VWA8: variants seen among roughly 807,000 people sequenced by gnomAD.
VWA8 encodes von Willebrand factor A domain containing 8, also known as von Willebrand factor A domain-containing protein 8.
Under a neutral mutation model 241.5 loss-of-function variants are expected in VWA8, and 221 were observed. The ratio of observed to expected loss-of-function variants is 0.91; its 90% confidence interval spans 0.82 to 1.02. The LOEUF is 1.02. Ranked by LOEUF, VWA8 falls within the 50% of genes least tolerant of loss-of-function variation. The pLI, the probability that VWA8 is intolerant of heterozygous loss-of-function variation, is 0.00. For missense variants in VWA8, 2,322 were observed against 2,328.7 expected (o/e 1.00, Z 0.06); for synonymous variants, 852 against 827.1 (o/e 1.03, Z -0.52).
intron 43 of VWA8, among the ~76,000 whole-genome samples, chr13:41,574,185 A>AC (rs1387057965): frequency 6.6e-6 from 1 of 151,730 alleles, no homozygotes; most frequent in Non-Finnish European, 1.5e-5. Flanking sequence ...AAAAAAAAAA[A>AC]AAAAGAAAAC....
At chr13:41,680,739 C>G (rs1281642968) in intron 35 of VWA8, among the ~76,000 whole-genome samples, 1 of 152,158 alleles carries the variant, frequency 6.6e-6, no homozygotes, top group Non-Finnish European at 1.5e-5. Flanking sequence ...TAATTCTGCT[C>G]CTAAATATGT....
At position 41,865,987 on chromosome 13, in the gene VWA8, A is replaced by C. The variant is rs1454197855; in HGVS notation, c.1262T>G (p.Phe421Cys). The C allele has an allele frequency of 1.9e-6, 3 of 1,614,078 alleles. No individual in the cohort carries two copies. The Admixed American group carries it at 5.0e-5, about 27-fold the overall frequency. Residue 421 changes from phenylalanine (F) to cysteine (C), a missense_variant, in exon 11 of 45, where the codon TTC becomes TGC. Transcript: ENST00000379310. ...LLSQPCASDR[F>C]IQTLSHKQLQ... Reference sequence around the variant, plus strand: ...CTGCTTATGGCTCAAAGTCTGTATGAAACGGTCTGACGCACAAGGTTGACT... The same window carrying C: ...CTGCTTATGGCTCAAAGTCTGTATGCAACGGTCTGACGCACAAGGTTGACT...
chr13:41,947,763 C>T (rs530886139), intron 2 of VWA8, among the ~76,000 whole-genome samples: 5 of 151,642 alleles, frequency 3.3e-5, no homozygotes, highest in African/African-American at 9.7e-5. Context: ...GGTGAAACCC[C>T]ATCTCTACCA....
chr13:41,624,931 T>TGA (rs1402455430), intron 37 of VWA8, among the ~76,000 whole-genome samples: 35 of 152,340 alleles, frequency 2.3e-4, no homozygotes, highest in African/African-American at 7.7e-4. Context: ...CTGTAGTCTC[T>TGA]GCCCAAAGGC....
At chr13:41,757,008 TG>T (rs899345076) in intron 21 of VWA8, among the ~76,000 whole-genome samples, 8 of 151,740 alleles carry the variant, frequency 5.3e-5, no homozygotes, top group African/African-American at 1.7e-4. Context: ...ACTCAAAAGT[TG>T]GAATTATGAT....
At chr13:41,935,821 C>T (rs1877324034) in intron 2 of VWA8, among the ~76,000 whole-genome samples, 1 of 151,274 alleles carries the variant, frequency 6.6e-6, no homozygotes, top group South Asian at 2.1e-4. Flanking sequence ...GAAATCTGTA[C>T]TATTTTGCTT....
intron 17 of VWA8, among the ~76,000 whole-genome samples, chr13:41,802,506 T>G (rs1341720029): frequency 1.3e-5 from 2 of 152,186 alleles, no homozygotes; most frequent in African/African-American, 4.8e-5. Flanking sequence ...CAGACACCAG[T>G]GCGGACAGCC....
chr13:41,832,757 T>C (rs904746551), intron 13 of VWA8, among the ~76,000 whole-genome samples: 5 of 152,166 alleles, frequency 3.3e-5, no homozygotes. Flanking sequence ...CGAAGAGCCT[T>C]CTCTTAACAT....
chr13:41,698,714 A>G (rs866831734), intron 29 of VWA8, among the ~76,000 whole-genome samples: 31 of 152,270 alleles, frequency 2.0e-4, no homozygotes, highest in Non-Finnish European at 1.3e-4. Flanking sequence ...CTGTTTCTAT[A>G]TGTAACAATT....
chr13:41,601,508 G>A (rs1189104580), intron 40 of VWA8, among the ~76,000 whole-genome samples: 6 of 152,116 alleles, frequency 3.9e-5, no homozygotes, highest in African/African-American at 1.4e-4. Flanking sequence ...GCCTGAGAAT[G>A]AAATTATGAT....
intron 18 of VWA8, among the ~76,000 whole-genome samples, chr13:41,785,328 T>C (rs769623586): frequency 1.3e-5 from 2 of 152,168 alleles, no homozygotes; most frequent in African/African-American, 2.4e-5. Flanking sequence ...CTTAAAACAA[T>C]TTAGTCTAGT....
chr13:41,607,410 C>G (rs1263645750), intron 39 of VWA8, among the ~76,000 whole-genome samples: 1 of 152,146 alleles, frequency 6.6e-6, no homozygotes, highest in African/African-American at 2.4e-5. Flanking sequence ...CTGACAATAC[C>G]TCTTGTATTT....
intron 20 of VWA8, among the ~76,000 whole-genome samples, chr13:41,769,485 G>A (rs549614994): frequency 1.3e-5 from 2 of 152,290 alleles, no homozygotes; most frequent in African/African-American, 4.8e-5. Context: ...ACTCTACGTT[G>A]TGTGGAATAT....
intron 13 of VWA8, among the ~76,000 whole-genome samples, chr13:41,832,728 T>C (rs1040838309): frequency 6.6e-6 from 1 of 152,158 alleles, no homozygotes; most frequent in Non-Finnish European, 1.5e-5. Flanking sequence ...ATGGGAATAT[T>C]TTCTACAAAA....
intron 21 of VWA8, among the ~76,000 whole-genome samples, chr13:41,738,171 T>C (rs2045540173): frequency 6.6e-6 from 1 of 152,204 alleles, no homozygotes; most frequent in South Asian, 2.1e-4. Flanking sequence ...GTATGATAAG[T>C]AAAATATTTC....
chr13:41,729,236 A>G (rs1323400173), intron 23 of VWA8, among the ~76,000 whole-genome samples: 4 of 152,102 alleles, frequency 2.6e-5, no homozygotes, highest in African/African-American at 7.2e-5. Context: ...AAAAAAAATC[A>G]TACACAAATA....
chr13:41,948,118 G>T (rs1477124589), intron 2 of VWA8, among the ~76,000 whole-genome samples: 1 of 151,998 alleles, frequency 6.6e-6, no homozygotes, highest in African/African-American at 2.4e-5. Flanking sequence ...TCCGAAAGTG[G>T]AAACAATCCA....
chr13:41,907,771 A>C, intron 3 of VWA8, 75 bp from the exon 4 acceptor site: 2 of 1,285,418 alleles, frequency 1.6e-6, no homozygotes, highest in Non-Finnish European at 2.2e-6. Context: ...TAGTTATCTG[A>C]CAATGCCATT....
chr13:41,626,434 G>C (rs934252202), intron 37 of VWA8, among the ~76,000 whole-genome samples: 1 of 151,888 alleles, frequency 6.6e-6, no homozygotes, highest in Non-Finnish European at 1.5e-5. Flanking sequence ...AAATTCATAA[G>C]GAACCAAAAA....
Sources: allele counts gnomAD v4.1 joint callset (sites outside exome capture counted in the v4.1 genomes callset), GRCh38; gene constraint gnomAD v4.1.1; transcripts MANE v1.5; gene names NCBI Gene and HGNC (gene_info 2026-07-23, HGNC 2026-07-21).